CENPE: variants seen among roughly 807,000 people sequenced by gnomAD.
CENPE encodes centromere-associated protein E.
In CENPE, 145 loss-of-function variants were observed where a neutral mutation model predicts 336.1. The observed-to-expected ratio is 0.43, with a 90% CI of 0.38 to 0.50. The LOEUF (loss-of-function observed/expected upper bound fraction) is 0.50. Among genes scored for constraint, CENPE ranks in the 20% least tolerant of loss-of-function variants. The pLI, the probability that CENPE is intolerant of heterozygous loss-of-function variation, is 0.00. For missense variants in CENPE, 2,719 were observed against 3,023.3 expected (o/e 0.90, Z 2.36); for synonymous variants, 1,013 against 984.8 (o/e 1.03, Z -0.54).
At chr4:103,174,191 C>A (rs941906615) in intron 16 of CENPE, among the ~76,000 whole-genome samples, 2 of 151,186 alleles carry the variant, frequency 1.3e-5, no homozygotes, top group Non-Finnish European at 3.0e-5. Flanking sequence ...AAAAAGAAAT[C>A]CTACCATTTG....
chr4:103,169,413 C>T lies in CENPE; in HGVS notation c.1647+5323G>A, dbSNP rs1755207714. Reference sequence around the variant, plus strand: ...ACCTGAAGAAAGCAATACATATCCACATATAGGAAGGTCAAAGGTTACCAA... The same window carrying T: ...ACCTGAAGAAAGCAATACATATCCATATATAGGAAGGTCAAAGGTTACCAA... On this transcript the variant is annotated intron_variant, in intron 16 of 48. Coordinates refer to ENST00000265148, the MANE Select transcript of CENPE (RefSeq NM_001813.3). 1.3e-5 allele frequency among the ~76,000 whole-genome samples: 2 copies of T among 152,240 alleles called. 1 individual carries two copies. Among genetic ancestry groups the T allele is most frequent in the South Asian group, 4.1e-4 (2 of 4,822 alleles).
Position 103,157,059 on chromosome 4 carries a change from C to CAAAAAAAAAAAAAAAAAAA in CENPE, c.3033+1222_3033+1240dup, listed in dbSNP as rs34199706. On this transcript the variant is annotated intron_variant, in intron 24 of 48. Transcript: ENST00000265148. ...TCACATCCATTAGGATGGCTACTATCAAAAAAAAAAAAAAAAAAAAACAGA... is the reference window on the plus strand; with the variant it reads ...TCACATCCATTAGGATGGCTACTATCAAAAAAAAAAAAAAAAAAAAAAAAAAAAAAAAAAAAAAAACAGA... Among the ~76,000 whole-genome samples, 4 of 98,040 alleles carry CAAAAAAAAAAAAAAAAAAA rather than the reference C, an allele frequency of 4.1e-5. 1 individual carries two copies. The highest frequency in any genetic ancestry group is 6.4e-5 in the Non-Finnish European group (3 of 46,580). The allele number at this position is 98,040 out of a possible 152,430, so 64.3% of individuals were successfully genotyped here. A position where few individuals can be genotyped will look rare whatever the true frequency, so the allele number is the denominator to read the frequency against.
intron 45 of CENPE, 25 bp from the exon 46 acceptor site, chr4:103,114,577 A>C: frequency 6.9e-7 from 1 of 1,447,928 alleles, no homozygotes; most frequent in Non-Finnish European, 9.6e-7. Context: ...AAAAATATGT[A>C]AAAAGCTCAG....
At chr4:103,134,087 G>A (rs1011930757) in intron 40 of CENPE, among the ~76,000 whole-genome samples, 195 bp from the exon 41 acceptor site, 2 of 152,118 alleles carry the variant, frequency 1.3e-5, no homozygotes, top group Non-Finnish European at 2.9e-5. Context: ...CTAACTCCCA[G>A]ACCTATAATT....
intron 9 of CENPE, among the ~76,000 whole-genome samples, chr4:103,185,572 C>T (rs1334122814): frequency 6.6e-6 from 1 of 151,828 alleles, no homozygotes; most frequent in African/African-American, 2.4e-5. Flanking sequence ...TGTACAATCC[C>T]ATCAATTGTA....
chr4:103,116,612 T>C lies in CENPE; in HGVS notation c.7407A>G (p.Leu2469=), dbSNP rs1484592109. 10 of 1,584,950 alleles carry C rather than the reference T, an allele frequency of 6.3e-6. No homozygotes were observed. Among genetic ancestry groups the C allele is most frequent in the Non-Finnish European group, 8.6e-6 (10 of 1,165,984 alleles). ...DLKMKLVKID[L]EKMKNAKEFE... Reference sequence around the variant, plus strand: ...ATTCTTTGGCATTTTTCATTTTCTCTAGGTCTATTTTCACAAGCTTCATTT... The same window carrying C: ...ATTCTTTGGCATTTTTCATTTTCTCCAGGTCTATTTTCACAAGCTTCATTT... The change falls in exon 45 of 49, where the codon CTA becomes CTG. Residue 2469 remains leucine (L), a synonymous_variant. Coordinates refer to ENST00000265148, the MANE Select transcript of CENPE (RefSeq NM_001813.3).
chr4:103,198,196 C>T, intron 1 of CENPE, 68 bp downstream of exon 1: 1 of 1,466,206 alleles, frequency 6.8e-7, no homozygotes, highest in Non-Finnish European at 9.3e-7. Flanking sequence ...CATCGTAGGC[C>T]TCGCCCCTCC....
intron 42 of CENPE, among the ~76,000 whole-genome samples, chr4:103,125,069 C>A (rs938050291): frequency 1.3e-5 from 2 of 152,170 alleles, no homozygotes; most frequent in African/African-American, 2.4e-5. Context: ...TGATTGTGGA[C>A]TTCTTTGTTT....
At chr4:103,187,921 A>C (rs533824086) in intron 8 of CENPE, among the ~76,000 whole-genome samples, 18 of 152,308 alleles carry the variant, frequency 1.2e-4, no homozygotes, top group Non-Finnish European at 2.2e-4. Context: ...AGAGACACAC[A>C]TAGGCTCAAA....
chr4:103,190,205 T>A (rs1179220520), intron 8 of CENPE, among the ~76,000 whole-genome samples: 6 of 152,250 alleles, frequency 3.9e-5, no homozygotes, highest in Middle Eastern at 6.8e-3. Flanking sequence ...ATCGTGAAAA[T>A]GGCCATACTG....
intron 33 of CENPE, among the ~76,000 whole-genome samples, chr4:103,144,005 T>A (rs963047371): frequency 6.6e-6 from 1 of 152,048 alleles, no homozygotes; most frequent in Non-Finnish European, 1.5e-5. Flanking sequence ...GGTGCGATCT[T>A]GGCTCACTGC....
chr4:103,170,016 A>G (rs1755262826), intron 16 of CENPE, among the ~76,000 whole-genome samples: 1 of 152,162 alleles, frequency 6.6e-6, no homozygotes, highest in African/African-American at 2.4e-5. Flanking sequence ...CATCATTCTC[A>G]GCAAACTAAC....
chr4:103,166,701 T>C (rs930100950), intron 16 of CENPE, among the ~76,000 whole-genome samples: 6 of 151,980 alleles, frequency 3.9e-5, no homozygotes, highest in African/African-American at 1.4e-4. Context: ...GTCTGAAGAG[T>C]AGCTGCAAAT....
intron 13 of CENPE, among the ~76,000 whole-genome samples, chr4:103,178,023 T>C (rs1756023607): frequency 6.6e-6 from 1 of 151,598 alleles, no homozygotes; most frequent in Non-Finnish European, 1.5e-5. Flanking sequence ...TTTAGCTCTG[T>C]TCCCTTGTTG....
At chr4:103,123,132 T>C (rs769714143) in intron 42 of CENPE, 43 bp from the exon 43 acceptor site, 41 of 1,421,928 alleles carry the variant, frequency 2.9e-5, no homozygotes, top group South Asian at 2.0e-4. Context: ...AAACGATTTA[T>C]AGTAGTCCCC....
intron 8 of CENPE, among the ~76,000 whole-genome samples, chr4:103,193,156 C>T (rs996082348): frequency 6.6e-6 from 1 of 151,666 alleles, no homozygotes; most frequent in Admixed American, 6.6e-5. Flanking sequence ...CAGAGCATCA[C>T]GTAACATGAG....
At chr4:103,127,908 G>A (rs1484624048) in intron 42 of CENPE, among the ~76,000 whole-genome samples, 1 of 152,082 alleles carries the variant, frequency 6.6e-6, no homozygotes, top group Non-Finnish European at 1.5e-5. Flanking sequence ...CAATATGGTA[G>A]ATATTAATCC....
chr4:103,169,837 T>C lies in CENPE; in HGVS notation c.1647+4899A>G, dbSNP rs565780648. On this transcript the variant is annotated intron_variant, in intron 16 of 48. Coordinates refer to ENST00000265148, the MANE Select transcript of CENPE (RefSeq NM_001813.3). ...TACTATAAAGACACATGCACACGTA[T>C]ACTTATTGCAGCATTGTTTACAACA... Among the ~76,000 whole-genome samples the C allele has an allele frequency of 5.3e-5, 8 of 152,316 alleles. No homozygotes were observed. In the South Asian group the frequency reaches 1.0e-3, roughly 20 times the overall value.
intron 42 of CENPE, among the ~76,000 whole-genome samples, chr4:103,129,757 A>T (rs1751426772): frequency 1.3e-5 from 2 of 152,070 alleles, no homozygotes; most frequent in South Asian, 4.1e-4. Flanking sequence ...AAAAACAAAG[A>T]TGTAAAAAAA....
Sources: allele counts gnomAD v4.1 joint callset (sites outside exome capture counted in the v4.1 genomes callset), GRCh38; gene constraint gnomAD v4.1.1; transcripts MANE v1.5; gene names NCBI Gene and HGNC (gene_info 2026-07-23, HGNC 2026-07-21).